KIAA1328: variants seen among roughly 807,000 people sequenced by gnomAD.
KIAA1328 encodes protein hinderin.
Under a neutral mutation model 68.1 loss-of-function variants are expected in KIAA1328, and 52 were observed. The ratio of observed to expected loss-of-function variants is 0.76; its 90% confidence interval spans 0.61 to 0.96. KIAA1328 has a LOEUF of 0.96. Ranked by LOEUF, KIAA1328 falls within the 40% of genes least tolerant of loss-of-function variation. The pLI, the probability that KIAA1328 is intolerant of heterozygous loss-of-function variation, is 0.00. For synonymous variants in KIAA1328, 232 were observed against 239.4 expected, an observed-to-expected ratio of 0.97 and a Z score of 0.28; for missense variants, 641 against 677.6, an observed-to-expected ratio of 0.95 and a Z score of 0.60.
chr18:36,837,327 C>T (rs758613039), intron 3 of KIAA1328, among the ~76,000 whole-genome samples: 60 of 152,132 alleles, frequency 3.9e-4, no homozygotes, highest in Non-Finnish European at 2.9e-4. Context: ...TTTTGATTTG[C>T]ATTTCCTTAA....
intron 9 of KIAA1328, among the ~76,000 whole-genome samples, chr18:37,193,093 G>A (rs2059937854): frequency 6.6e-6 from 1 of 152,142 alleles, no homozygotes; most frequent in Non-Finnish European, 1.5e-5. Context: ...AAAAAGCCAA[G>A]AGCAAGCATG....
At chr18:37,052,513 T>C (rs1023312462) in intron 6 of KIAA1328, among the ~76,000 whole-genome samples, 1 of 151,276 alleles carries the variant, frequency 6.6e-6, no homozygotes, top group African/African-American at 2.4e-5. Context: ...GATAAAGAAA[T>C]AAAAGACATC....
chr18:37,075,866 T>A (rs1161773480), intron 7 of KIAA1328, among the ~76,000 whole-genome samples: 8 of 152,138 alleles, frequency 5.3e-5, no homozygotes, highest in African/African-American at 1.7e-4. Context: ...AGACTTAGAC[T>A]CCCACAGAAT....
intron 5 of KIAA1328, among the ~76,000 whole-genome samples, chr18:36,941,416 A>G (rs1051144239): frequency 3.3e-5 from 5 of 151,992 alleles, no homozygotes; most frequent in African/African-American, 1.2e-4. Flanking sequence ...CCAACGTGGT[A>G]AAACCCTATC....
chr18:37,013,669 C>A (rs1303598242), intron 6 of KIAA1328, among the ~76,000 whole-genome samples: 1 of 152,164 alleles, frequency 6.6e-6, no homozygotes, highest in African/African-American at 2.4e-5. Context: ...CTGCAAAGGA[C>A]ATGATTCCAT....
intron 4 of KIAA1328, among the ~76,000 whole-genome samples, chr18:36,870,448 A>G (rs926261743): frequency 7.9e-5 from 12 of 151,892 alleles, no homozygotes; most frequent in African/African-American, 2.4e-4. Flanking sequence ...GGTAATATAA[A>G]TATTAAAATT....
At chr18:36,846,167 C>T (rs1198609531) in intron 4 of KIAA1328, among the ~76,000 whole-genome samples, 3 of 151,490 alleles carry the variant, frequency 2.0e-5, no homozygotes, top group Admixed American at 6.6e-5. Context: ...GTTTGATTGA[C>T]GTGGGAATGT....
intron 7 of KIAA1328, among the ~76,000 whole-genome samples, chr18:37,149,655 T>C (rs539175978): frequency 2.0e-5 from 3 of 152,174 alleles, no homozygotes; most frequent in African/African-American, 7.2e-5. Flanking sequence ...TAGTAAAAAA[T>C]TGATATTATA....
chr18:37,045,206 C>T (rs1315557431), intron 6 of KIAA1328, among the ~76,000 whole-genome samples: 1 of 152,088 alleles, frequency 6.6e-6, no homozygotes, highest in Non-Finnish European at 1.5e-5. Context: ...AAAATTTAAT[C>T]CAACGTGTAG....
chr18:37,075,873 G>C (rs1328961741), intron 7 of KIAA1328, among the ~76,000 whole-genome samples: 18 of 152,238 alleles, frequency 1.2e-4, no homozygotes, highest in East Asian at 9.7e-4. Flanking sequence ...GACTCCCACA[G>C]AATAATAATG....
At chr18:36,858,765 G>A (rs1219947159) in intron 4 of KIAA1328, among the ~76,000 whole-genome samples, 2 of 152,072 alleles carry the variant, frequency 1.3e-5, no homozygotes, top group Admixed American at 6.6e-5. Context: ...TGGGTTTTTG[G>A]GACGAATTCC....
intron 6 of KIAA1328, among the ~76,000 whole-genome samples, chr18:37,037,402 T>A (rs1349358211): frequency 6.6e-6 from 1 of 152,192 alleles, no homozygotes; most frequent in Admixed American, 6.5e-5. Flanking sequence ...TATATAGCTT[T>A]ATTTTTATTG....
At chr18:37,167,077 C>G (rs1168108998) in intron 8 of KIAA1328, among the ~76,000 whole-genome samples, 1 of 152,152 alleles carries the variant, frequency 6.6e-6, no homozygotes, top group African/African-American at 2.4e-5. Context: ...AAAAGTTCCC[C>G]TATCTCCCTC....
At chr18:37,173,289 A>G (rs1269496264) in intron 9 of KIAA1328, among the ~76,000 whole-genome samples, 1 of 152,178 alleles carries the variant, frequency 6.6e-6, no homozygotes, top group East Asian at 1.9e-4. Context: ...GATCATGGTA[A>G]TGTAAGGGCT....
In KIAA1328 at chr18:37,201,240, C is replaced by T. The variant is rs561980468; in HGVS notation, c.1524-20777C>T. Among the ~76,000 whole-genome samples the T allele has an allele frequency of 1.9e-4, 29 of 152,240 alleles. 1 individual carries two copies. Among genetic ancestry groups the T allele is most frequent in the African/African-American group, 5.3e-4 (22 of 41,530 alleles). On this transcript the variant is annotated intron_variant, in intron 9 of 9. Coordinates refer to ENST00000280020, the MANE Select transcript of KIAA1328 (RefSeq NM_020776.3). ...ATTAGTAATTTGAATGGTAGAAGTA[C>T]ATTGCACACAAGGTTACAATCAAAA...
intron 6 of KIAA1328, among the ~76,000 whole-genome samples, chr18:36,964,847 A>G (rs72888947): frequency 0.11 from 16,229 of 151,782 alleles, 1,091 homozygotes; most frequent in Non-Finnish European, 0.13. Context: ...GTTTTGGTCA[A>G]TGTACATTTT....
At position 37,129,167 on chromosome 18, in the gene KIAA1328, C is replaced by A. The variant is rs550320027; in HGVS notation, c.1233-31033C>A. On this transcript the variant is annotated intron_variant, in intron 7 of 9. Coordinates refer to ENST00000280020, the MANE Select transcript of KIAA1328 (RefSeq NM_020776.3). ...AATTTTATTGATTTATTATACCATACCTCAATATTAAAAAAAACCCTAAAG... is the reference window on the plus strand; with the variant it reads ...AATTTTATTGATTTATTATACCATAACTCAATATTAAAAAAAACCCTAAAG... Among the ~76,000 whole-genome samples the A allele has an allele frequency of 2.0e-5, 3 of 152,122 alleles. No homozygotes were observed. In the South Asian group the frequency reaches 6.2e-4, roughly 32 times the overall value.
intron 6 of KIAA1328, among the ~76,000 whole-genome samples, chr18:36,967,843 C>A (rs1252327318): frequency 1.3e-5 from 2 of 152,082 alleles, no homozygotes; most frequent in African/African-American, 4.8e-5. Flanking sequence ...TTATCATGGG[C>A]ATCTGGAATC....
chr18:37,041,735 C>G (rs182932351), intron 6 of KIAA1328, among the ~76,000 whole-genome samples: 1 of 151,364 alleles, frequency 6.6e-6, no homozygotes, highest in East Asian at 1.9e-4. Flanking sequence ...TTCTAAAAAT[C>G]ATTGCTTTAG....
Sources: allele counts gnomAD v4.1 joint callset (sites outside exome capture counted in the v4.1 genomes callset), GRCh38; gene constraint gnomAD v4.1.1; transcripts MANE v1.5; gene names NCBI Gene and HGNC (gene_info 2026-07-23, HGNC 2026-07-21).